Variants in CCDC178 observed in about 807,000 individuals in gnomAD.
The protein encoded by CCDC178 is coiled-coil domain containing 178.
CCDC178 carries 126 observed loss-of-function variants against 117.4 expected under a neutral mutation model. That is an observed-to-expected ratio of 1.07 (90% CI 0.93 to 1.24). CCDC178 has a LOEUF of 1.24. CCDC178 is among the 50% of genes most tolerant of loss of function. The pLI, the probability that CCDC178 is intolerant of heterozygous loss-of-function variation, is 0.00. For missense variants in CCDC178, 1,030 were observed against 986.9 expected (o/e 1.04, Z -0.59); for synonymous variants, 283 against 313.4 (o/e 0.90, Z 1.02).
At chr18:33,269,058 T>C (rs2059855022) in intron 12 of CCDC178, among the ~76,000 whole-genome samples, 1 of 151,760 alleles carries the variant, frequency 6.6e-6, no homozygotes, top group South Asian at 2.1e-4. Flanking sequence ...AGCCTCGTTC[T>C]CAAAAAAATT....
chr18:33,020,239 C>T (rs550200343), intron 21 of CCDC178, among the ~76,000 whole-genome samples: 1 of 151,580 alleles, frequency 6.6e-6, no homozygotes, highest in East Asian at 1.9e-4. Context: ...AGCTACCATG[C>T]CTGGCCGATA....
At position 33,389,580 on chromosome 18, in the gene CCDC178, G is replaced by A. The variant is rs116856132; in HGVS notation, c.168C>T (p.Asn56=). ...TTTTACTTTCATGAAAACCTTCACT[G>A]TTCTCCTTAGAGGCTCCATATAGAA... ...SLVLYGASKE[N]SEGFHESKMT... Residue 56 remains asparagine, a synonymous_variant, in exon 5 of 23, where the codon AAC becomes AAT. Transcript: ENST00000383096. 4.7e-3 allele frequency: 7,114 copies of A among 1,526,566 alleles called. 26 individuals carry two copies. The highest frequency in any genetic ancestry group is 5.5e-3 in the Non-Finnish European group (6,205 of 1,138,458). 94.6% of individuals were successfully genotyped at this position (1,526,566 alleles called of 1,614,324 possible). A position where few individuals can be genotyped will look rare whatever the true frequency, so the allele number is the denominator to read the frequency against.
intron 5 of CCDC178, among the ~76,000 whole-genome samples, chr18:33,386,760 A>G (rs1166568372): frequency 1.3e-5 from 2 of 152,202 alleles, no homozygotes; most frequent in African/African-American, 4.8e-5. Flanking sequence ...AGTCAATATC[A>G]TACTAAATGG....
At chr18:33,212,827 G>C (rs540966189) in intron 19 of CCDC178, among the ~76,000 whole-genome samples, 2 of 152,002 alleles carry the variant, frequency 1.3e-5, no homozygotes, top group East Asian at 3.9e-4. Flanking sequence ...AACAATACTA[G>C]TAGAAAAATA....
chr18:33,187,706 G>A (rs1360516027), intron 20 of CCDC178, among the ~76,000 whole-genome samples: 5 of 152,126 alleles, frequency 3.3e-5, no homozygotes, highest in Admixed American at 6.6e-5. Flanking sequence ...TTATTCATAC[G>A]ATTGCACTAA....
At chr18:32,990,306 C>G (rs1243559390) in intron 21 of CCDC178, among the ~76,000 whole-genome samples, 4 of 152,004 alleles carry the variant, frequency 2.6e-5, no homozygotes, top group Admixed American at 2.6e-4. Context: ...TTAGTCAAAA[C>G]ACTGTATAAG....
At chr18:32,988,120 A>C (rs1028013295) in intron 21 of CCDC178, among the ~76,000 whole-genome samples, 2 of 129,652 alleles carry the variant, frequency 1.5e-5, no homozygotes, top group South Asian at 4.9e-4. Flanking sequence ...AATAATAATA[A>C]ATTTATCAAA....
chr18:33,049,425 T>C (rs1598827207), intron 21 of CCDC178, among the ~76,000 whole-genome samples: 1 of 152,268 alleles, frequency 6.6e-6, no homozygotes, highest in South Asian at 2.1e-4. Context: ...TATATAATTA[T>C]GTACTCCCAT....
intron 20 of CCDC178, among the ~76,000 whole-genome samples, chr18:33,160,521 T>C (rs890957400): frequency 3.3e-5 from 5 of 152,140 alleles, no homozygotes; most frequent in Non-Finnish European, 7.4e-5. Context: ...TGTAAACACT[T>C]GGTCAATATT....
At chr18:33,148,028 C>A (rs1246686646) in intron 20 of CCDC178, among the ~76,000 whole-genome samples, 1 of 151,984 alleles carries the variant, frequency 6.6e-6, no homozygotes, top group East Asian at 1.9e-4. Flanking sequence ...GGCGGCTGGC[C>A]GGGCAGAGGC....
intron 15 of CCDC178, among the ~76,000 whole-genome samples, chr18:33,242,646 T>C (rs1204130961): frequency 6.7e-6 from 1 of 150,230 alleles, no homozygotes; most frequent in African/African-American, 2.4e-5. Context: ...TGCTAACAAA[T>C]ACAAGAAAAA....
chr18:33,179,078 A>AAAT (rs71159804), intron 20 of CCDC178, among the ~76,000 whole-genome samples: 897 of 55,680 alleles, frequency 0.016, 35 homozygotes, highest in African/African-American at 0.027. Flanking sequence ...AAAAAAAAAA[A>AAAT]ATATATATAT....
At chr18:33,070,203 A>G (rs924375808) in intron 21 of CCDC178, among the ~76,000 whole-genome samples, 7 of 152,066 alleles carry the variant, frequency 4.6e-5, no homozygotes, top group Non-Finnish European at 8.8e-5. Context: ...ATGTGTCAAT[A>G]TAACAAAGGA....
intron 11 of CCDC178, among the ~76,000 whole-genome samples, chr18:33,312,756 T>C (rs926285417): frequency 4.6e-5 from 7 of 152,350 alleles, no homozygotes; most frequent in African/African-American, 1.4e-4. Flanking sequence ...CTGGGTGGAA[T>C]GGCTGTCGCT....
intron 5 of CCDC178, among the ~76,000 whole-genome samples, chr18:33,383,848 G>C (rs2063465421): frequency 1.3e-5 from 2 of 152,086 alleles, no homozygotes; most frequent in African/African-American, 4.8e-5. Flanking sequence ...GCACAGAATG[G>C]GGCCGAAGCT....
chr18:33,333,807 C>T (rs780457411), intron 9 of CCDC178, among the ~76,000 whole-genome samples: 11 of 151,978 alleles, frequency 7.2e-5, no homozygotes, highest in Non-Finnish European at 1.5e-4. Flanking sequence ...CCACCGCACC[C>T]GGCCAAATCT....
At chr18:33,331,023 T>C (rs2062660170) in intron 10 of CCDC178, among the ~76,000 whole-genome samples, 1 of 144,608 alleles carries the variant, frequency 6.9e-6, no homozygotes, top group South Asian at 2.2e-4. Flanking sequence ...TACACAAACA[T>C]TGCTTTTTTT....
At chr18:33,064,150 G>T (rs1186567260) in intron 21 of CCDC178, among the ~76,000 whole-genome samples, 1 of 152,144 alleles carries the variant, frequency 6.6e-6, no homozygotes, top group Non-Finnish European at 1.5e-5. Flanking sequence ...AAAAAGCAAG[G>T]AAAATGACAC....
chr18:33,328,706 C>T (rs942757302), intron 10 of CCDC178, among the ~76,000 whole-genome samples: 2 of 152,076 alleles, frequency 1.3e-5, no homozygotes, highest in African/African-American at 4.8e-5. Context: ...CTTACTACAG[C>T]TTTGTAGTAA....
Sources: allele counts gnomAD v4.1 joint callset (sites outside exome capture counted in the v4.1 genomes callset), GRCh38; gene constraint gnomAD v4.1.1; transcripts MANE v1.5; gene names NCBI Gene and HGNC (gene_info 2026-07-23, HGNC 2026-07-21).